Variants in MGLL observed in about 807,000 individuals in gnomAD.
The protein encoded by MGLL is monoglyceride lipase, also known as lysophospholipase homolog.
A neutral mutation model predicts 29.1 loss-of-function variants in MGLL; 7 were observed. That is an observed-to-expected ratio of 0.24 (90% CI 0.14 to 0.45). The LOEUF is 0.45. Ranked by LOEUF, MGLL falls within the 20% of genes least tolerant of loss-of-function variation. MGLL has a pLI of 0.99. For missense variants in MGLL, 356 were observed against 413.6 expected (o/e 0.86, Z 1.21); for synonymous variants, 148 against 168.3 (o/e 0.88, Z 0.93).
intron 3 of MGLL, among the ~76,000 whole-genome samples, chr3:127,775,635 T>C (rs1463307500): frequency 6.6e-6 from 1 of 152,176 alleles, no homozygotes; most frequent in Non-Finnish European, 1.5e-5. Flanking sequence ...CCCTCAAATA[T>C]TTGCAGATAA....
chr3:127,703,567 T>C (rs1296413089), intron 6 of MGLL, among the ~76,000 whole-genome samples: 3 of 152,216 alleles, frequency 2.0e-5, no homozygotes, highest in Non-Finnish European at 4.4e-5. Context: ...GCATTCAGGA[T>C]CGTGGTGTCT....
intron 2 of MGLL, among the ~76,000 whole-genome samples, chr3:127,821,345 C>G (rs2077856048): frequency 6.6e-6 from 1 of 152,108 alleles, no homozygotes; most frequent in South Asian, 2.1e-4. Context: ...TCTCATCCAT[C>G]TAGGGGATTT....
chr3:127,761,736 C>T lies in MGLL; in HGVS notation c.262+20053G>A, dbSNP rs907796553. On this transcript the variant is annotated intron_variant, in intron 3 of 7. Transcript: ENST00000265052. This position sits in a 1 kb window ranked among gnomAD's most constrained non-coding sequence, Gnocchi z 4.6. ...CACGCAGGCTGCCTCCCTCCTGGCA[C>T]GTTCGGCTCCTCGCTTCATCGGCCG... is the stretch of plus-strand genomic sequence containing the variant. 3.9e-5 allele frequency among the ~76,000 whole-genome samples: 6 copies of T among 152,330 alleles called. No homozygotes were observed. Among genetic ancestry groups the T allele is most frequent in the Middle Eastern group, 3.4e-3 (1 of 294 alleles).
chr3:127,753,128 A>G (rs1182167377), intron 3 of MGLL, among the ~76,000 whole-genome samples: 2 of 152,244 alleles, frequency 1.3e-5, no homozygotes, highest in Non-Finnish European at 2.9e-5. Flanking sequence ...TAAATAAAAA[A>G]GAAGCCCCAA....
At chr3:127,694,943 T>G in intron 7 of MGLL, 32 bp downstream of exon 7, 19 of 1,592,420 alleles carry the variant, frequency 1.2e-5, no homozygotes, top group Non-Finnish European at 1.6e-5. Flanking sequence ...CCCTCCACCT[T>G]GGGGGGAAGT....
intron 3 of MGLL, among the ~76,000 whole-genome samples, chr3:127,755,798 T>C (rs1172309778): frequency 6.6e-6 from 1 of 152,256 alleles, no homozygotes; most frequent in Non-Finnish European, 1.5e-5. Context: ...ACACTTTCTA[T>C]GACTATTGTT....
In MGLL at chr3:127,689,173, C is replaced by G. The variant is rs1285212507; in HGVS notation, c.*3025G>C. The G allele has an allele frequency of 2.0e-5, 3 of 152,266 alleles. No homozygotes were observed. In the East Asian group the frequency reaches 5.8e-4, roughly 29 times the overall value. The allele number at this position is 152,266 out of a possible 1,614,324, so 9.4% of individuals were successfully genotyped here. A position where few individuals can be genotyped will look rare whatever the true frequency, so the allele number is the denominator to read the frequency against. On this transcript the variant is annotated 3_prime_UTR_variant, in exon 8 of 8. Coordinates refer to ENST00000265052, the MANE Select transcript of MGLL (RefSeq NM_007283.7). ...AGACAGTATACACGCAGGGATGTGA[C>G]TGAGCCACAGTGACATAGCAAACCC...
chr3:127,815,289 C>G (rs2077734415), intron 2 of MGLL, among the ~76,000 whole-genome samples: 1 of 152,136 alleles, frequency 6.6e-6, no homozygotes, highest in South Asian at 2.1e-4. Flanking sequence ...CACACAGCAG[C>G]CCCACCGTGT....
chr3:127,804,081 A>G (rs972650178), intron 2 of MGLL, among the ~76,000 whole-genome samples: 3 of 152,258 alleles, frequency 2.0e-5, no homozygotes, highest in Admixed American at 2.0e-4. Flanking sequence ...TTGATTTTAA[A>G]AAAACTATGA....
At chr3:127,817,375 T>G (rs2077776086) in intron 2 of MGLL, among the ~76,000 whole-genome samples, 1 of 152,084 alleles carries the variant, frequency 6.6e-6, no homozygotes, top group Non-Finnish European at 1.5e-5. Flanking sequence ...GTTTTTATCA[T>G]CATAACAGAA....
chr3:127,782,184 T>C (rs1228082876), intron 2 of MGLL, among the ~76,000 whole-genome samples: 6 of 152,200 alleles, frequency 3.9e-5, no homozygotes, highest in East Asian at 3.9e-4. Context: ...ATGGCGCCAC[T>C]GTACTCCAGC....
At chr3:127,732,749 A>G (rs1576519775) in intron 3 of MGLL, among the ~76,000 whole-genome samples, 3 of 152,234 alleles carry the variant, frequency 2.0e-5, no homozygotes, top group Admixed American at 1.3e-4. Context: ...AGTGTGGGAT[A>G]CAATAGGAAC....
chr3:127,768,910 C>G (rs751739491), intron 3 of MGLL, among the ~76,000 whole-genome samples: 1 of 152,238 alleles, frequency 6.6e-6, no homozygotes, highest in Non-Finnish European at 1.5e-5. Context: ...CTGCAAATCC[C>G]TGGGTGGTGC....
chr3:127,748,393 G>A (rs1037339747), intron 3 of MGLL, among the ~76,000 whole-genome samples: 6 of 146,896 alleles, frequency 4.1e-5, no homozygotes, highest in African/African-American at 1.6e-4. Context: ...AGGGAGGGAG[G>A]GAGAGAGAGA....
chr3:127,782,585 C>T (rs1342709820), intron 2 of MGLL, among the ~76,000 whole-genome samples: 1 of 152,194 alleles, frequency 6.6e-6, no homozygotes, highest in African/African-American at 2.4e-5. Flanking sequence ...GGGCCTGCTT[C>T]CTCCCTCGGG....
At chr3:127,751,077 T>TCAC (rs2076549524) in intron 3 of MGLL, among the ~76,000 whole-genome samples, 1 of 152,000 alleles carries the variant, frequency 6.6e-6, no homozygotes. Flanking sequence ...CTCAAGACAA[T>TCAC]CACCACCACC....
At chr3:127,809,479 G>A (rs1422451693) in intron 2 of MGLL, among the ~76,000 whole-genome samples, 1 of 152,026 alleles carries the variant, frequency 6.6e-6, no homozygotes, top group African/African-American at 2.4e-5. Context: ...TTTAAAAATT[G>A]TCTGGGTATG....
At chr3:127,711,764 C>T (rs779643756) in intron 5 of MGLL, 4 of 151,238 alleles carry the variant, frequency 2.6e-5, no homozygotes, top group Non-Finnish European at 5.9e-5. Context: ...TGCTCTGTCA[C>T]CCAGGCTGGA....
chr3:127,786,420 A>G (rs1353177565), intron 2 of MGLL, among the ~76,000 whole-genome samples: 2 of 152,214 alleles, frequency 1.3e-5, no homozygotes, highest in Non-Finnish European at 2.9e-5. Context: ...GAGGCTGGCT[A>G]AGATCTTTTT....
Sources: gnomAD v4.1 joint callset for allele counts (sites outside exome capture counted in the v4.1 genomes callset) on GRCh38, gnomAD v4.1.1 for gene constraint, Gnocchi (gnomAD v3.1) non-coding constraint, MANE v1.5 for transcripts, NCBI Gene and HGNC (gene_info 2026-07-23, HGNC 2026-07-21) for gene names.